Variants in CSMD1 observed in about 807,000 individuals in gnomAD.
CSMD1 encodes CUB and sushi domain-containing protein 1.
CSMD1 carries 213 observed loss-of-function variants against 417.5 expected under a neutral mutation model. That is an observed-to-expected ratio of 0.51 (90% CI 0.46 to 0.57). The LOEUF is 0.57. CSMD1 is among the 20% of genes least tolerant of loss of function. The pLI is 0.00. For synonymous variants in CSMD1, 2,862 were observed against 1,736.8 expected, an observed-to-expected ratio of 1.65 and a Z score of -16.11; for missense variants, 6,923 against 4,529.7, an observed-to-expected ratio of 1.53 and a Z score of -15.17.
intron 3 of CSMD1, among the ~76,000 whole-genome samples, chr8:4,060,196 A>G (rs1440346112): frequency 6.6e-6 from 1 of 151,664 alleles, no homozygotes; most frequent in Non-Finnish European, 1.5e-5. Flanking sequence ...CAAAAACCAC[A>G]TGATTATTTC....
chr8:4,966,037 A>T (rs373925345), intron 1 of CSMD1, among the ~76,000 whole-genome samples: 19 of 152,096 alleles, frequency 1.2e-4, no homozygotes, highest in African/African-American at 4.3e-4. Flanking sequence ...AAGTATTTTT[A>T]GCTGAACAAT....
chr8:4,467,673 C>A (rs1800265760), intron 2 of CSMD1, among the ~76,000 whole-genome samples: 1 of 152,172 alleles, frequency 6.6e-6, no homozygotes, highest in South Asian at 2.1e-4. Flanking sequence ...TGAACCAAAT[C>A]AAGGTGCAAA....
At chr8:4,487,649 G>A (rs1215583268) in intron 2 of CSMD1, among the ~76,000 whole-genome samples, 3 of 151,878 alleles carry the variant, frequency 2.0e-5, no homozygotes, top group Admixed American at 1.3e-4. Flanking sequence ...CCTTGATTTT[G>A]TTTCAAAAAA....
intron 7 of CSMD1, among the ~76,000 whole-genome samples, chr8:3,667,427 T>C (rs879701243): frequency 2.0e-5 from 3 of 151,600 alleles, no homozygotes; most frequent in Non-Finnish European, 4.4e-5. Flanking sequence ...GGGAAGAGAT[T>C]TTGGATAGCA....
chr8:3,670,910 TG>T (rs1798984617), intron 7 of CSMD1, among the ~76,000 whole-genome samples: 2 of 115,718 alleles, frequency 1.7e-5, no homozygotes, highest in African/African-American at 6.5e-5. Context: ...TATATGTATA[TG>T]GGATATATAT....
At chr8:2,959,319 G>T (rs545987684) in intron 62 of CSMD1, among the ~76,000 whole-genome samples, 2 of 152,302 alleles carry the variant, frequency 1.3e-5, no homozygotes, top group Admixed American at 1.3e-4. Context: ...TGCCCAGGCT[G>T]TTCTCCTGGC....
intron 12 of CSMD1, among the ~76,000 whole-genome samples, chr8:3,443,178 A>C (rs1815098847): frequency 6.6e-6 from 1 of 152,192 alleles, no homozygotes; most frequent in South Asian, 2.1e-4. Context: ...GCTGCAAAAA[A>C]ATGTGAGAGG....
At chr8:3,864,431 A>T (rs1447887298) in intron 5 of CSMD1, among the ~76,000 whole-genome samples, 1 of 152,212 alleles carries the variant, frequency 6.6e-6, no homozygotes, top group African/African-American at 2.4e-5. Context: ...GAAGAAAGGA[A>T]TACAGTATGA....
At chr8:3,491,886 A>G (rs1532581) in intron 11 of CSMD1, among the ~76,000 whole-genome samples, 98,363 of 152,046 alleles carry the variant, frequency 0.65, 32,186 homozygotes, top group African/African-American at 0.69. Flanking sequence ...AGGAGTTAGA[A>G]AGAGACAGAA....
At chr8:4,179,363 C>A in intron 3 of CSMD1, among the ~76,000 whole-genome samples, 1 of 152,128 alleles carries the variant, frequency 6.6e-6, no homozygotes, top group Non-Finnish European at 1.5e-5. Context: ...GCTGGGAAAA[C>A]TGGCTAGCCA....
intron 55 of CSMD1, among the ~76,000 whole-genome samples, chr8:2,975,792 T>C (rs991499779): frequency 5.3e-5 from 8 of 152,284 alleles, no homozygotes; most frequent in African/African-American, 1.7e-4. Flanking sequence ...CTGAGATCTT[T>C]GGATTCCCAA....
intron 1 of CSMD1, among the ~76,000 whole-genome samples, chr8:4,753,197 G>A (rs1019620519): frequency 6.6e-6 from 1 of 152,116 alleles, no homozygotes; most frequent in Non-Finnish European, 1.5e-5. Flanking sequence ...CAGGAGTAAG[G>A]CCCGGGTCCC....
intron 3 of CSMD1, among the ~76,000 whole-genome samples, chr8:4,116,964 G>C (rs998536351): frequency 1.3e-5 from 2 of 152,042 alleles, no homozygotes; most frequent in Admixed American, 1.3e-4. Flanking sequence ...AATCAGGCTG[G>C]TAAGAGGCTA....
intron 2 of CSMD1, among the ~76,000 whole-genome samples, chr8:4,588,033 A>C (rs919829249): frequency 3.3e-5 from 5 of 152,182 alleles, no homozygotes; most frequent in Admixed American, 6.5e-5. Context: ...CATAGGAAAA[A>C]GAAAACTAAC....
intron 4 of CSMD1, among the ~76,000 whole-genome samples, chr8:4,015,796 C>T (rs918051543): frequency 6.6e-6 from 1 of 151,128 alleles, no homozygotes; most frequent in African/African-American, 2.4e-5. Context: ...CAGACAAAAA[C>T]AAGGGTGAAA....
rs1796163170 is a variant in CSMD1, at chr8:3,187,957, C to G, written c.5532G>C (p.Val1844=). 1.9e-6 allele frequency: 3 copies of G among 1,612,416 alleles called. No individual in the cohort carries two copies. Among genetic ancestry groups the G allele is most frequent in the South Asian group, 1.1e-5 (1 of 90,748 alleles). The change falls in exon 36 of 70, where the codon GTG becomes GTC. Residue 1844 remains valine, a synonymous_variant. Coordinates refer to ENST00000635120, the MANE Select transcript of CSMD1 (RefSeq NM_033225.6). Reference sequence around the variant, plus strand: ...AGTTCTGCTCCGTGGCAAAACTGATCACTTGGATCTACCAAACCATGACAT... The same window carrying G: ...AGTTCTGCTCCGTGGCAAAACTGATGACTTGGATCTACCAAACCATGACAT... ...VTEGSGIQIQ[V]ISFATEQNWD...
At chr8:4,732,385 T>TGTGTGGC (rs1563244669) in intron 1 of CSMD1, among the ~76,000 whole-genome samples, 83 of 75,358 alleles carry the variant, frequency 1.1e-3, no homozygotes, top group African/African-American at 3.9e-3. Flanking sequence ...GTGTGTGTAG[T>TGTGTGGC]GTTTTTCCCC....
intron 26 of CSMD1, among the ~76,000 whole-genome samples, chr8:3,264,309 G>A (rs1213892554): frequency 5.3e-5 from 8 of 152,256 alleles, no homozygotes; most frequent in Non-Finnish European, 7.4e-5. Flanking sequence ...CTCAGGTGGC[G>A]TAGTAATGTG....
At chr8:4,261,521 A>G (rs1476587366) in intron 3 of CSMD1, among the ~76,000 whole-genome samples, 1 of 152,146 alleles carries the variant, frequency 6.6e-6, no homozygotes, top group Non-Finnish European at 1.5e-5. Flanking sequence ...TACTGTTATT[A>G]TATACTTGAA....
Sources: gnomAD v4.1 joint callset for allele counts (sites outside exome capture counted in the v4.1 genomes callset) on GRCh38, gnomAD v4.1.1 for gene constraint, MANE v1.5 for transcripts, NCBI Gene and HGNC (gene_info 2026-07-23, HGNC 2026-07-21) for gene names.